The following KIF6 variants were observed in gnomAD, a reference collection of about 807,000 sequenced individuals.
KIF6 encodes kinesin family member 6.
KIF6 carries 106 observed loss-of-function variants against 112.7 expected under a neutral mutation model. The observed-to-expected ratio is 0.94, with a 90% confidence interval of 0.80 to 1.11. KIF6 has a LOEUF of 1.11. Among genes scored for constraint, KIF6 ranks in the 50% least tolerant of loss-of-function variants. The pLI is 0.00. For missense variants in KIF6, 929 were observed against 964.0 expected (o/e 0.96, Z 0.48); for synonymous variants, 339 against 339.9 (o/e 1.00, Z 0.03).
chr6:39,682,310 A>G (rs1455048149), intron 3 of KIF6, among the ~76,000 whole-genome samples: 1 of 152,214 alleles, frequency 6.6e-6, no homozygotes, highest in Non-Finnish European at 1.5e-5. Context: ...CACCCAGGCT[A>G]TATTGGCATA....
chr6:39,350,567 A>G (rs1271839486), intron 19 of KIF6, among the ~76,000 whole-genome samples: 1 of 151,928 alleles, frequency 6.6e-6, no homozygotes, highest in East Asian at 1.9e-4. Context: ...TTGCCGTCAG[A>G]GGAGAAGGCC....
intron 13 of KIF6, among the ~76,000 whole-genome samples, chr6:39,498,368 G>T (rs1040080368): frequency 6.6e-6 from 1 of 152,136 alleles, no homozygotes; most frequent in African/African-American, 2.4e-5. Context: ...AGAGAGTTGC[G>T]GGTGAGGAGA....
rs1030795065 is a variant in KIF6, at chr6:39,699,216, G to GA, written c.251+15475dup. 9.0e-4 allele frequency among the ~76,000 whole-genome samples: 135 copies of GA among 150,094 alleles called. 1 individual carries two copies. The highest frequency in any genetic ancestry group is 9.5e-4 in the Non-Finnish European group (64 of 67,410). ...TATATTAGAAGATGATAAGTGCTATGAAAAAAAAAATGTGGCATCAGGTAG... is the reference window on the plus strand; with the variant it reads ...TATATTAGAAGATGATAAGTGCTATGAAAAAAAAAAATGTGGCATCAGGTAG... On this transcript the variant is annotated intron_variant, in intron 3 of 22. Transcript: ENST00000287152.
chr6:39,444,517 C>T (rs1048951951), intron 13 of KIF6, among the ~76,000 whole-genome samples: 21 of 152,062 alleles, frequency 1.4e-4, no homozygotes, highest in African/African-American at 9.7e-5. Context: ...TGAGAATCTA[C>T]GCTATTGACA....
chr6:39,504,058 G>A (rs1260831911), intron 13 of KIF6, among the ~76,000 whole-genome samples: 1 of 151,910 alleles, frequency 6.6e-6, no homozygotes, highest in Non-Finnish European at 1.5e-5. Flanking sequence ...AACAAAAAAA[G>A]AAAACTTCAG....
chr6:39,560,638 G>A (rs1433059444), intron 10 of KIF6, among the ~76,000 whole-genome samples: 1 of 152,152 alleles, frequency 6.6e-6, no homozygotes, highest in Admixed American at 6.5e-5. Context: ...CACTTCTCTT[G>A]TGACAGGTAG....
intron 13 of KIF6, among the ~76,000 whole-genome samples, chr6:39,532,709 T>TA (rs1778143974): frequency 1.3e-5 from 2 of 152,240 alleles, no homozygotes; most frequent in African/African-American, 2.4e-5. Context: ...ATATGCTTCT[T>TA]AATGAGCACC....
intron 13 of KIF6, among the ~76,000 whole-genome samples, chr6:39,526,382 A>T (rs1562287972): frequency 6.6e-6 from 1 of 152,150 alleles, no homozygotes; most frequent in Non-Finnish European, 1.5e-5. Flanking sequence ...ACCCTCAACT[A>T]TCCAGTCCCT....
At chr6:39,608,281 A>AT (rs1783005478) in intron 6 of KIF6, among the ~76,000 whole-genome samples, 1 of 152,198 alleles carries the variant, frequency 6.6e-6, no homozygotes, top group Admixed American at 6.5e-5. Flanking sequence ...GGAAAATACC[A>AT]TAAGTTGAAA....
intron 13 of KIF6, among the ~76,000 whole-genome samples, chr6:39,517,469 C>A (rs1360759430): frequency 1.3e-5 from 2 of 152,156 alleles, no homozygotes; most frequent in African/African-American, 4.8e-5. Flanking sequence ...ACATGAACCA[C>A]CACCTATGGC....
At chr6:39,626,908 C>T (rs747493338) in intron 5 of KIF6, among the ~76,000 whole-genome samples, 1 of 152,078 alleles carries the variant, frequency 6.6e-6, no homozygotes, top group Non-Finnish European at 1.5e-5. Context: ...TGTTTTTTTA[C>T]TCCCACTGCC....
At chr6:39,615,937 G>T (rs1561866589) in intron 5 of KIF6, among the ~76,000 whole-genome samples, 1 of 152,086 alleles carries the variant, frequency 6.6e-6, no homozygotes, top group Non-Finnish European at 1.5e-5. Flanking sequence ...CTCAACTGGG[G>T]ATTATGGGTC....
chr6:39,522,791 G>C (rs1777469911), intron 13 of KIF6, among the ~76,000 whole-genome samples: 1 of 152,112 alleles, frequency 6.6e-6, no homozygotes, highest in African/African-American at 2.4e-5. Flanking sequence ...TCCTTTGCTG[G>C]ATCTTCTGCC....
At chr6:39,560,391 T>C (rs1275634226) in intron 10 of KIF6, among the ~76,000 whole-genome samples, 1 of 152,224 alleles carries the variant, frequency 6.6e-6, no homozygotes, top group Non-Finnish European at 1.5e-5. Context: ...AGACTGATTT[T>C]CTCAGGCAAG....
intron 15 of KIF6, among the ~76,000 whole-genome samples, chr6:39,411,531 A>T (rs1228389618): frequency 6.6e-6 from 1 of 152,218 alleles, no homozygotes; most frequent in East Asian, 1.9e-4. Context: ...GGATAAAATT[A>T]TGGTTTAGTA....
chr6:39,690,440 A>G (rs1257898447), intron 3 of KIF6: 1 of 151,994 alleles, frequency 6.6e-6, no homozygotes, highest in Non-Finnish European at 1.5e-5. Flanking sequence ...AATTGGTACA[A>G]TATTTCTGAA....
chr6:39,529,435 G>T (rs1015198567), intron 13 of KIF6, among the ~76,000 whole-genome samples: 7 of 152,282 alleles, frequency 4.6e-5, no homozygotes, highest in African/African-American at 1.7e-4. Context: ...AAATAGATAA[G>T]ATATTTATAA....
intron 6 of KIF6, among the ~76,000 whole-genome samples, chr6:39,608,553 G>A (rs1013385992): frequency 6.6e-6 from 1 of 152,194 alleles, no homozygotes; most frequent in Non-Finnish European, 1.5e-5. Flanking sequence ...AAAATTGTAA[G>A]TTGGGGAGTG....
chr6:39,444,504 T>C (rs1162873927), intron 13 of KIF6, among the ~76,000 whole-genome samples: 1 of 152,178 alleles, frequency 6.6e-6, no homozygotes, highest in Non-Finnish European at 1.5e-5. Context: ...TGTTAACAAG[T>C]ACTGAGAATC....
Sources: allele counts gnomAD v4.1 joint callset (sites outside exome capture counted in the v4.1 genomes callset), GRCh38; gene constraint gnomAD v4.1.1; transcripts MANE v1.5; gene names NCBI Gene and HGNC (gene_info 2026-07-23, HGNC 2026-07-21).